The following PCDHA5 variants were observed in gnomAD, a reference collection of about 807,000 sequenced individuals.
The protein encoded by PCDHA5 is protocadherin alpha 5, also known as protocadherin alpha-5.
A neutral mutation model predicts 61.6 loss-of-function variants in PCDHA5; 43 were observed. The observed-to-expected ratio is 0.70, with a 90% CI of 0.55 to 0.90. PCDHA5 has a LOEUF of 0.90. Ranked by LOEUF, PCDHA5 falls within the 40% of genes least tolerant of loss-of-function variation. The probability of loss-of-function intolerance (pLI) is 0.00; values close to 1 mark genes in which losing one functional copy is unlikely to be tolerated. For synonymous variants in PCDHA5, 627 were observed against 543.9 expected, an observed-to-expected ratio of 1.15 and a Z score of -2.13; for missense variants, 1,298 against 1,222.7, an observed-to-expected ratio of 1.06 and a Z score of -0.92.
At chr5:140,987,941 G>A (rs1554249697) in intron 3 of PCDHA5, among the ~76,000 whole-genome samples, 1 of 152,104 alleles carries the variant, frequency 6.6e-6, no homozygotes, top group African/African-American at 2.4e-5. Flanking sequence ...ATTCTTACCT[G>A]TCTGACAAAA....
chr5:140,892,172 G>A (rs2063414943), intron 1 of PCDHA5, among the ~76,000 whole-genome samples: 1 of 152,100 alleles, frequency 6.6e-6, no homozygotes, highest in African/African-American at 2.4e-5. Flanking sequence ...CAGTAACTGG[G>A]ATCCTCATGG....
intron 1 of PCDHA5, among the ~76,000 whole-genome samples, chr5:140,953,024 G>A (rs2094834462): frequency 6.6e-6 from 1 of 152,026 alleles, no homozygotes; most frequent in South Asian, 2.1e-4. Context: ...AACATTAAGG[G>A]GGAAATCCAC....
chr5:140,883,649 A>T, intron 1 of PCDHA5: 1 of 1,613,516 alleles, frequency 6.2e-7, no homozygotes, highest in South Asian at 1.1e-5. Context: ...GCCCGAGTAC[A>T]CGGTGTTCGT....
At chr5:140,928,868 C>G (rs374918492) in intron 1 of PCDHA5, 32 of 1,614,062 alleles carry the variant, frequency 2.0e-5, no homozygotes, top group Non-Finnish European at 2.6e-5. Context: ...TTGAGCAACT[C>G]TGTCCCTCAG....
Position 140,993,460 on chromosome 5 carries a change from T to TCC in PCDHA5, c.2500+10898_2500+10899insCC, listed in dbSNP as rs1554253699. ...TTCATTCCTGTTCTCCTTCTTTCTT[T>TCC]CTCACACACACACACACACACACAC... On this transcript the variant is annotated intron_variant, in intron 3 of 3. Coordinates refer to ENST00000529859, the MANE Select transcript of PCDHA5 (RefSeq NM_018908.3). Among the ~76,000 whole-genome samples, 535 of 104,558 alleles carry TCC rather than the reference T, an allele frequency of 5.1e-3. 5 individuals carry two copies. Among genetic ancestry groups the TCC allele is most frequent in the African/African-American group, 0.02 (517 of 25,554 alleles). The allele number at this position is 104,558 out of a possible 152,430, so 68.6% of individuals were successfully genotyped here. A position where few individuals can be genotyped will look rare whatever the true frequency, so the allele number is the denominator to read the frequency against.
At chr5:140,929,404 G>T (rs530409256) in intron 1 of PCDHA5, 1 of 1,506,596 alleles carries the variant, frequency 6.6e-7, no homozygotes, top group South Asian at 1.4e-5. Flanking sequence ...TCTTAGACAA[G>T]CCTTTCACAA....
intron 1 of PCDHA5, chr5:140,850,389 A>G (rs2150482026): frequency 7.5e-6 from 12 of 1,597,864 alleles, no homozygotes; most frequent in Non-Finnish European, 1.0e-5. Flanking sequence ...GGGCGAGATC[A>G]GCACAACGCG....
At chr5:140,957,734 T>C (rs559180968) in intron 1 of PCDHA5, among the ~76,000 whole-genome samples, 2 of 152,240 alleles carry the variant, frequency 1.3e-5, no homozygotes, top group Admixed American at 6.5e-5. Flanking sequence ...GAATTATATA[T>C]ACTGACATGA....
chr5:140,836,463 G>A (rs2150261592), intron 1 of PCDHA5: 2 of 1,613,838 alleles, frequency 1.2e-6, no homozygotes, highest in Middle Eastern at 1.6e-4. Context: ...GACCGAGCTG[G>A]TGGATGTCAA....
chr5:140,822,558 TA>T lies in PCDHA5; in HGVS notation c.786del (p.Lys262AsnfsTer2). On this transcript the variant is annotated frameshift_variant, in exon 1 of 4. Transcript: ENST00000529859. LOFTEE classifies it high-confidence loss of function. ...ATGCACCAAGTGGGACATTAGTTAT[TA>T]AACTGAACGCCTCAGATGCAGATGA... Reference protein sequence around the residue: ...ENAPSGTLVIKLNASDADEGI... With the variant: ...ENAPSGTLVIXLNASDADEGI... 3 of 1,613,478 alleles carry T rather than the reference TA, an allele frequency of 1.9e-6. No homozygotes were observed. Among genetic ancestry groups the T allele is most frequent in the Non-Finnish European group, 2.5e-6 (3 of 1,179,570 alleles).
chr5:140,851,135 A>G (rs782166459), intron 1 of PCDHA5: 3 of 1,314,088 alleles, frequency 2.3e-6, no homozygotes, highest in Admixed American at 2.9e-5. Flanking sequence ...ATTTGTGATT[A>G]AAGTGACATT....
intron 1 of PCDHA5, chr5:140,869,869 G>T: frequency 6.2e-7 from 1 of 1,610,244 alleles, no homozygotes; most frequent in Non-Finnish European, 8.5e-7. Flanking sequence ...GGAAAATGCT[G>T]CTAAAGAAAC....
At chr5:140,876,668 C>T (rs2056489032) in intron 1 of PCDHA5, 1 of 1,614,198 alleles carries the variant, frequency 6.2e-7, no homozygotes, top group Non-Finnish European at 8.5e-7. Flanking sequence ...AAGCTGGTGT[C>T]CACCTACAAG....
chr5:140,897,424 T>G (rs2066099863), intron 1 of PCDHA5, among the ~76,000 whole-genome samples: 1 of 148,866 alleles, frequency 6.7e-6, no homozygotes, highest in Non-Finnish European at 1.5e-5. Flanking sequence ...CATCTATGAG[T>G]GAGAACATGC....
chr5:140,928,672 GC>G (rs1466783332), intron 1 of PCDHA5: 1 of 1,614,058 alleles, frequency 6.2e-7, no homozygotes, highest in East Asian at 2.2e-5. Flanking sequence ...TGGTTCTAAT[GC>G]CTGGCTTTCC....
chr5:140,967,185 A>G, intron 1 of PCDHA5: 1 of 1,613,242 alleles, frequency 6.2e-7, no homozygotes, highest in Non-Finnish European at 8.5e-7. Context: ...GAAATATTGG[A>G]CATCAACGAC....
In PCDHA5 at chr5:140,839,228, G is replaced by C. The variant is rs773394985; in HGVS notation, c.2352+15101G>C. ...ACCTTCAAAGATGTAACTGTAATCT[G>C]TTTTTATTGCTTTGCTTTTATGCTT... On this transcript the variant is annotated intron_variant, in intron 1 of 3. Coordinates refer to ENST00000529859, the MANE Select transcript of PCDHA5 (RefSeq NM_018908.3). Among the ~76,000 whole-genome samples the C allele has an allele frequency of 4.0e-5, 6 of 151,740 alleles. 1 individual carries two copies. Among genetic ancestry groups the C allele is most frequent in the Non-Finnish European group, 8.8e-5 (6 of 67,928 alleles).
chr5:140,858,622 G>T, intron 1 of PCDHA5: 1 of 1,136,482 alleles, frequency 8.8e-7, no homozygotes, highest in Non-Finnish European at 1.2e-6. Flanking sequence ...ATCCTACCCA[G>T]TGTGTCAGCC....
Position 140,848,312 on chromosome 5 carries a change from C to A in PCDHA5, c.2352+24185C>A, listed in dbSNP as rs4151686. 12 of 726,146 alleles carry A rather than the reference C, an allele frequency of 1.7e-5. 1 individual carries two copies. Among genetic ancestry groups the A allele is most frequent in the Non-Finnish European group, 2.5e-5 (11 of 437,168 alleles). The allele number at this position is 726,146 out of a possible 1,614,324, so 45.0% of individuals were successfully genotyped here. On this transcript the variant is annotated intron_variant, in intron 1 of 3. Transcript: ENST00000529859. ...TTGGGCCACGTGATGTCACTCTTTG[C>A]CGCGATGTTCTCTCTGAATCCAGAC... is the stretch of plus-strand genomic sequence containing the variant.
Sources: gnomAD v4.1 joint callset for allele counts (sites outside exome capture counted in the v4.1 genomes callset) on GRCh38, gnomAD v4.1.1 for gene constraint, MANE v1.5 for transcripts, NCBI Gene and HGNC (gene_info 2026-07-23, HGNC 2026-07-21) for gene names.